Variants in SLC2A11 observed in about 807,000 individuals in gnomAD.
SLC2A11 encodes solute carrier family 2 member 11, also known as solute carrier family 2, facilitated glucose transporter member 11.
In SLC2A11, 43 loss-of-function variants were observed where a neutral mutation model predicts 52.1. The observed-to-expected ratio is 0.82, with a 90% CI of 0.65 to 1.06. The LOEUF (loss-of-function observed/expected upper bound fraction) is 1.06, where lower values mean the gene tolerates loss of function less well. Ranked by LOEUF, SLC2A11 falls within the 50% of genes least tolerant of loss-of-function variation. SLC2A11 has a pLI of 0.00. For synonymous variants in SLC2A11, 261 were observed against 277.6 expected (o/e 0.94, Z 0.59); for missense variants, 582 against 654.2 (o/e 0.89, Z 1.20).
At chr22:23,857,079 G>GC (rs2031857558), upstream of SLC2A11, 2 of 1,248,838 alleles carry the variant, frequency 1.6e-6, no homozygotes, top group Admixed American at 2.0e-5. Flanking sequence ...TGTGTGGGGG[G>GC]GGGGGGGTGT....
intron 4 of SLC2A11, among the ~76,000 whole-genome samples, chr22:23,876,704 C>G (rs2032622132): frequency 7.0e-6 from 1 of 142,002 alleles, no homozygotes; most frequent in Non-Finnish European, 1.5e-5. Flanking sequence ...CTCCTCCCAC[C>G]CCCCCGCACA....
intron 3 of SLC2A11, chr22:23,870,956 T>C (rs1045072189): frequency 6.6e-6 from 1 of 151,774 alleles, no homozygotes; most frequent in African/African-American, 2.4e-5. Flanking sequence ...CCTCCCAAAG[T>C]GCCGGGATTA....
intron 6 of SLC2A11, among the ~76,000 whole-genome samples, chr22:23,878,947 A>G (rs2032713944): frequency 6.6e-6 from 1 of 152,188 alleles, no homozygotes; most frequent in African/African-American, 2.4e-5. Flanking sequence ...GGTAACCAAA[A>G]TTAATGCTCT....
chr22:23,857,401 A>C, upstream of SLC2A11: 1 of 1,591,764 alleles, frequency 6.3e-7, no homozygotes, highest in African/African-American at 1.3e-5. Context: ...CTTGGACCAG[A>C]GCTCCCTTCC....
intron 2 of SLC2A11, chr22:23,867,440 C>G (rs939901242): frequency 8.6e-6 from 2 of 232,350 alleles, no homozygotes; most frequent in Admixed American, 9.8e-5. Flanking sequence ...TGAGGTGATA[C>G]GCCCATCTCG....
chr22:23,866,201 A>G (rs1481084369), intron 2 of SLC2A11: 2 of 151,838 alleles, frequency 1.3e-5, no homozygotes, highest in Non-Finnish European at 2.9e-5. Context: ...AAAGGAAAAA[A>G]GAGCTTAGAA....
Position 23,885,876 on chromosome 22 carries a change from T to C in SLC2A11, c.*1027T>C, listed in dbSNP as rs2032981659. ...AACTGCATCCATTTTAAGTATATAT[T>C]TGGCGAGTTTTGAGTTCTAAGTATA... On this transcript the variant is annotated 3_prime_UTR_variant, in exon 12 of 12. Transcript: ENST00000316185. The C allele has an allele frequency of 6.7e-6, 1 of 149,868 alleles. No individual in the cohort carries two copies. Among genetic ancestry groups the C allele is most frequent in the South Asian group, 2.1e-4 (1 of 4,830 alleles). 9.3% of individuals were successfully genotyped at this position (149,868 alleles called of 1,614,324 possible).
Position 23,877,170 on chromosome 22 carries a change from AG to A in SLC2A11, c.545+1del. The A allele has an allele frequency of 6.2e-7, 1 of 1,608,028 alleles. No individual in the cohort carries two copies. On this transcript the variant is annotated frameshift_variant and splice_region_variant, in exon 5 of 12. Transcript: ENST00000316185. LOFTEE classifies it high-confidence loss of function. ...CGTGATGGGACAGGTGGTCGGACTC[AG>A]GTAAGCACCCCTCCCCCACATGCAT... ...GIVMGQVVGLRELLGGPQAWP... is the reference protein window; with the variant it reads ...GIVMGQVVGLXELLGGPQAWP...
At chr22:23,877,309 A>G in intron 5 of SLC2A11, 138 bp downstream of exon 5, 9 of 1,423,292 alleles carry the variant, frequency 6.3e-6, no homozygotes, top group Non-Finnish European at 3.9e-6. Context: ...CTCTATCCAC[A>G]TCTCTGCTGC....
intron 3 of SLC2A11, among the ~76,000 whole-genome samples, chr22:23,874,407 C>T (rs2032548522): frequency 6.6e-6 from 1 of 152,082 alleles, no homozygotes; most frequent in Non-Finnish European, 1.5e-5. Context: ...CCACCTCAGC[C>T]TCCTGAGTAG....
intron 3 of SLC2A11, chr22:23,869,767 G>T: frequency 1.9e-6 from 1 of 522,668 alleles, no homozygotes; most frequent in Non-Finnish European, 3.4e-6. Context: ...AGGCTGTGAA[G>T]TCCAAGATCA....
chr22:23,882,474 G>C lies in SLC2A11; in HGVS notation c.710G>C (p.Arg237Pro), dbSNP rs745505162. 1 of 1,548,122 alleles carries C rather than the reference G, an allele frequency of 6.5e-7. No homozygotes were observed. The highest frequency in any genetic ancestry group is 1.4e-5 in the African/African-American group (1 of 73,224). The change falls in exon 7 of 12, where the codon CGG (arginine) becomes CCG (proline). Residue 237 changes from arginine (R) to proline (P), a missense_variant. Physicochemically the swap from Arg to Pro is moderately radical, Grantham distance 103. Coordinates refer to ENST00000316185, the MANE Select transcript of SLC2A11 (RefSeq NM_001024939.4). ...EACLAALRRL[R>P]GSGDLAGELE... ...CCTGGCTCAGCACTACGGCGGCTCCGGGGCTCCGGGGACTTGGCAGGGGAG... is the reference window on the plus strand; with the variant it reads ...CCTGGCTCAGCACTACGGCGGCTCCCGGGCTCCGGGGACTTGGCAGGGGAG...
intron 3 of SLC2A11, chr22:23,869,995 C>T (rs1161734175): frequency 2.8e-6 from 2 of 717,596 alleles, no homozygotes; most frequent in Non-Finnish European, 5.2e-6. Context: ...ATGGCCTAAT[C>T]AATCTCCCAA....
intron 3 of SLC2A11, chr22:23,870,268 T>C (rs528373515): frequency 1.9e-6 from 1 of 537,808 alleles, no homozygotes; most frequent in South Asian, 2.5e-5. Context: ...AGGAAGAAAT[T>C]AAAAATTCAA....
At chr22:23,880,281 A>T in intron 6 of SLC2A11, 1 of 151,298 alleles carries the variant, frequency 6.6e-6, no homozygotes, top group Non-Finnish European at 1.5e-5. Context: ...AAAAAAAAGA[A>T]AAGAAAAGAA....
In SLC2A11 at chr22:23,883,898, G is replaced by T. The variant is rs1447057585; in HGVS notation, c.1095+25G>T. On this transcript the variant is annotated intron_variant, in intron 9 of 11. Coordinates refer to ENST00000316185, the MANE Select transcript of SLC2A11 (RefSeq NM_001024939.4). ...GGTAGCTGGGGTGGATGAGGGCTGG[G>T]GGGTCCAGGCCGGGCTGACTTCCAC... The T allele has an allele frequency of 6.2e-7, 1 of 1,608,796 alleles. No individual in the cohort carries two copies. Among genetic ancestry groups the T allele is most frequent in the African/African-American group, 1.3e-5 (1 of 74,772 alleles).
chr22:23,857,943 A>G lies in SLC2A11; in HGVS notation c.-57A>G. On this transcript the variant is annotated 5_prime_UTR_variant, in exon 1 of 12. Transcript: ENST00000316185. ...ACAGGCTGCCGGCTCACCGCTTGCT[A>G]ATGGCAGCCGGGGTCTCCCTGGGAC... 6.3e-7 allele frequency: 1 copy of G among 1,593,452 alleles called. No individual in the cohort carries two copies.
chr22:23,876,941 G>A, intron 4 of SLC2A11, 101 bp from the exon 5 acceptor site: 1 of 1,580,300 alleles, frequency 6.3e-7, no homozygotes, highest in Non-Finnish European at 8.6e-7. Context: ...ATCCAGTTGA[G>A]TGGCTGGACA....
intron 3 of SLC2A11, chr22:23,872,574 G>C (rs1184757298): frequency 1.3e-5 from 2 of 152,106 alleles, no homozygotes; most frequent in Non-Finnish European, 2.9e-5. Context: ...ATTTGGCTTC[G>C]ACCCACTAGA....
Sources: allele counts gnomAD v4.1 joint callset (sites outside exome capture counted in the v4.1 genomes callset), GRCh38; gene constraint gnomAD v4.1.1; transcripts MANE v1.5; gene names NCBI Gene and HGNC (gene_info 2026-07-23, HGNC 2026-07-21).